Variants in STK33 observed in about 807,000 individuals in gnomAD.
The protein encoded by STK33 is serine/threonine-protein kinase 33.
In STK33, 52 loss-of-function variants were observed where a neutral mutation model predicts 58.0. The observed-to-expected ratio is 0.90, with a 90% confidence interval of 0.72 to 1.13. The LOEUF is 1.13. Ranked by LOEUF, STK33 falls within the 50% of genes most tolerant of loss-of-function variation. STK33 has a pLI of 0.00. For synonymous variants in STK33, 215 were observed against 200.1 expected (o/e 1.07, Z -0.63); for missense variants, 630 against 604.2 (o/e 1.04, Z -0.45).
the STK33 span, among the ~76,000 whole-genome samples, chr11:8,382,811 G>A: frequency 2.0e-5 from 3 of 152,302 alleles, no homozygotes; most frequent in East Asian, 3.9e-4. Context: ...TAGCAAGACC[G>A]ATACTTAAGG....
intron 1 of STK33, among the ~76,000 whole-genome samples, chr11:8,547,648 T>C (rs1344296028): frequency 3.9e-5 from 6 of 152,238 alleles, no homozygotes. Context: ...GGAGAGTTTG[T>C]AAATATTTTC....
chr11:8,378,564 G>A, the STK33 span, among the ~76,000 whole-genome samples: 1 of 152,114 alleles, frequency 6.6e-6, no homozygotes, highest in African/African-American at 2.4e-5. Context: ...CAGATCTCAT[G>A]AGAACTCACT....
chr11:8,591,213 G>T (rs943517598), intron 1 of STK33, among the ~76,000 whole-genome samples: 12 of 152,212 alleles, frequency 7.9e-5, no homozygotes, highest in Admixed American at 7.2e-4. Flanking sequence ...TTGATTCAAG[G>T]ACACATGAAG....
chr11:8,580,910 T>G (rs951507007), intron 1 of STK33: 2 of 152,148 alleles, frequency 1.3e-5, no homozygotes, highest in Non-Finnish European at 2.9e-5. Flanking sequence ...ATCTGTCATC[T>G]TCATGGTGGT....
intron 1 of STK33, among the ~76,000 whole-genome samples, chr11:8,520,747 G>T (rs1243969920): frequency 6.6e-6 from 1 of 152,080 alleles, no homozygotes; most frequent in Non-Finnish European, 1.5e-5. Flanking sequence ...GTTCACAATT[G>T]CTTCAAAGAG....
chr11:8,546,449 C>T (rs1955918690), intron 1 of STK33, among the ~76,000 whole-genome samples: 1 of 152,098 alleles, frequency 6.6e-6, no homozygotes, highest in African/African-American at 2.4e-5. Flanking sequence ...TGGAAACATT[C>T]CAAATTTTGT....
chr11:8,532,181 A>G (rs1954608798), intron 1 of STK33, among the ~76,000 whole-genome samples: 1 of 152,266 alleles, frequency 6.6e-6, no homozygotes, highest in African/African-American at 2.4e-5. Flanking sequence ...AGGGATCTAC[A>G]TTTGTAACAT....
chr11:8,536,014 C>T (rs551228510), intron 1 of STK33, among the ~76,000 whole-genome samples: 4 of 152,142 alleles, frequency 2.6e-5, no homozygotes, highest in South Asian at 2.1e-4. Context: ...AGGCAAATAA[C>T]GCATGTTCTC....
chr11:8,590,018 C>G lies in STK33; in HGVS notation c.-466+4065G>C, dbSNP rs1220913342. On this transcript the variant is annotated intron_variant, in intron 1 of 15. Transcript: ENST00000687296. ...CAAACAAACTTGAAAGAATTCAAGT[C>G]TAAGAACCTGAGCCTCAGATGCACT... Among the ~76,000 whole-genome samples, 15 of 152,284 alleles carry G rather than the reference C, an allele frequency of 9.9e-5. No homozygotes were observed. In the South Asian group the frequency reaches 1.0e-3, roughly 11 times the overall value.
At chr11:8,354,639 G>T in the STK33 span, among the ~76,000 whole-genome samples, 1 of 152,188 alleles carries the variant, frequency 6.6e-6, no homozygotes, top group Non-Finnish European at 1.5e-5. Flanking sequence ...CCACCCAGGG[G>T]CATGAAGAAA....
At chr11:8,407,955 C>T (rs527589542) in intron 15 of STK33, among the ~76,000 whole-genome samples, 6 of 151,932 alleles carry the variant, frequency 3.9e-5, no homozygotes, top group South Asian at 4.2e-4. Flanking sequence ...AAAAGTGACA[C>T]AATACATATA....
intron 1 of STK33, among the ~76,000 whole-genome samples, chr11:8,503,624 A>G (rs1004248914): frequency 1.3e-5 from 2 of 152,214 alleles, no homozygotes; most frequent in Non-Finnish European, 2.9e-5. Context: ...TAAAAGTTAA[A>G]AAGTCTCCAT....
intron 15 of STK33, among the ~76,000 whole-genome samples, chr11:8,410,696 C>G (rs1400209833): frequency 6.6e-6 from 1 of 152,102 alleles, no homozygotes; most frequent in African/African-American, 2.4e-5. Context: ...TGGTGTTGAA[C>G]TCCTGACCTC....
intron 1 of STK33, among the ~76,000 whole-genome samples, chr11:8,571,796 GCACTC>G (rs1173821050): frequency 1.3e-5 from 2 of 148,518 alleles, no homozygotes; most frequent in Non-Finnish European, 3.0e-5. Context: ...TCGCGCCACT[GCACTC>G]CAGCCTGGGC....
chr11:8,546,613 C>A (rs1177209699), intron 1 of STK33, among the ~76,000 whole-genome samples: 2 of 147,084 alleles, frequency 1.4e-5, no homozygotes, highest in Non-Finnish European at 1.5e-5. Flanking sequence ...CTGCTCAGCT[C>A]CTTGGAACCA....
chr11:8,591,117 T>C (rs865848832), intron 1 of STK33, among the ~76,000 whole-genome samples: 2 of 152,222 alleles, frequency 1.3e-5, no homozygotes, highest in African/African-American at 4.8e-5. Flanking sequence ...GATAAGTCAA[T>C]GGTTGAAACA....
At position 8,482,835 on chromosome 11, in the gene STK33, T is replaced by A. The variant is rs374705473; in HGVS notation, c.-465-2221A>T. 1.9e-3 allele frequency among the ~76,000 whole-genome samples: 295 copies of A among 152,194 alleles called. 2 individuals are homozygous for A. Among genetic ancestry groups the A allele is most frequent in the African/African-American group, 6.7e-3 (280 of 41,518 alleles). ...AGCTCCACCTCCCGGGTTCACGCCA[T>A]TCTCCTGCCTCAGCCTCCCGAGTAG... On this transcript the variant is annotated intron_variant, in intron 1 of 15. Coordinates refer to ENST00000687296, the MANE Select transcript of STK33 (RefSeq NM_001352389.2).
chr11:8,402,379 ACCACG>A (rs1255700054), intron 15 of STK33, among the ~76,000 whole-genome samples: 73 of 152,090 alleles, frequency 4.8e-4, no homozygotes, highest in Admixed American at 7.9e-4. Context: ...AAAACCAAAC[ACCACG>A]TGTTCTCACT....
chr11:8,423,586 C>A (rs1211890336), intron 14 of STK33, among the ~76,000 whole-genome samples: 1 of 152,024 alleles, frequency 6.6e-6, no homozygotes, highest in Non-Finnish European at 1.5e-5. Context: ...TATTAGAGAA[C>A]ATGATCTGTG....
Sources: allele counts gnomAD v4.1 joint callset (sites outside exome capture counted in the v4.1 genomes callset), GRCh38; gene constraint gnomAD v4.1.1; transcripts MANE v1.5; gene names NCBI Gene and HGNC (gene_info 2026-07-23, HGNC 2026-07-21).